The following PIGX variants were observed in gnomAD, a reference collection of about 807,000 sequenced individuals.
PIGX encodes the protein phosphatidylinositol glycan anchor biosynthesis class X.
PIGX carries 24 observed loss-of-function variants against 28.7 expected under a neutral mutation model. That is an observed-to-expected ratio of 0.84 (90% CI 0.60 to 1.17). The LOEUF is 1.17. PIGX is among the 50% of genes most tolerant of loss of function. PIGX has a pLI of 0.00. For synonymous variants in PIGX, 127 were observed against 121.0 expected (o/e 1.05, Z -0.33); for missense variants, 305 against 317.8 (o/e 0.96, Z 0.31).
At chr3:196,716,564 C>T (rs1712105222) in intron 1 of PIGX, among the ~76,000 whole-genome samples, 1 of 152,136 alleles carries the variant, frequency 6.6e-6, no homozygotes, top group Non-Finnish European at 1.5e-5. Context: ...ATTCTTACGA[C>T]AGCTAGTAGA....
chr3:196,718,791 C>A (rs1712199343), intron 2 of PIGX, among the ~76,000 whole-genome samples: 1 of 152,052 alleles, frequency 6.6e-6, no homozygotes, highest in African/African-American at 2.4e-5. Flanking sequence ...ATTATTTATT[C>A]CTTTAATGTT....
intron 1 of PIGX, chr3:196,712,864 G>T: frequency 1.8e-6 from 2 of 1,087,102 alleles, no homozygotes; most frequent in Non-Finnish European, 2.2e-6. Context: ...GGGCCCTGCG[G>T]TTCCCAGGCT....
chr3:196,713,351 A>C (rs1441962997), intron 1 of PIGX, among the ~76,000 whole-genome samples: 1 of 151,554 alleles, frequency 6.6e-6, no homozygotes, highest in Non-Finnish European at 1.5e-5. Flanking sequence ...GCCAGGCTGG[A>C]GTGCAATGGC....
At chr3:196,727,000 T>A (rs1213508267) in intron 3 of PIGX, among the ~76,000 whole-genome samples, 5 of 152,198 alleles carry the variant, frequency 3.3e-5, no homozygotes, top group South Asian at 2.1e-4. Flanking sequence ...TGAGTTCTGT[T>A]CCTGCTGTGA....
At chr3:196,727,038 A>C (rs141428813) in intron 3 of PIGX, among the ~76,000 whole-genome samples, 7 of 152,340 alleles carry the variant, frequency 4.6e-5, no homozygotes, top group Non-Finnish European at 8.8e-5. Flanking sequence ...ACATGTAAAG[A>C]AAACATAGCA....
At chr3:196,726,274 G>A (rs1254268602) in intron 3 of PIGX, among the ~76,000 whole-genome samples, 1 of 152,120 alleles carries the variant, frequency 6.6e-6, no homozygotes, top group African/African-American at 2.4e-5. Context: ...CAGGGTGACA[G>A]AGTGAGACCT....
rs769026964 is a variant in PIGX, at chr3:196,733,754, C to T, written c.634-5C>T. On this transcript the variant is annotated splice_polypyrimidine_tract_variant and splice_region_variant and intron_variant, in intron 5 of 5. Transcript: ENST00000392391. The surrounding 1 kb of genome is among the most constrained non-coding windows in gnomAD (Gnocchi z 4.3). Reference sequence around the variant, plus strand: ...AATGTCTAACTTCTCTCTCTCTCTCCATAGGTATATAAGAATGTGATTCTA... The same window carrying T: ...AATGTCTAACTTCTCTCTCTCTCTCTATAGGTATATAAGAATGTGATTCTA... 8.8e-5 allele frequency: 140 copies of T among 1,587,412 alleles called. No homozygotes were observed. Among genetic ancestry groups the T allele is most frequent in the Non-Finnish European group, 1.1e-4 (131 of 1,156,358 alleles).
chr3:196,722,140 A>G (rs73089260), intron 2 of PIGX, among the ~76,000 whole-genome samples: 119 of 152,248 alleles, frequency 7.8e-4, no homozygotes, highest in African/African-American at 2.8e-3. Flanking sequence ...TTACGTTGGT[A>G]CCTTTATTGA....
At chr3:196,723,776 T>C (rs1712416171) in intron 3 of PIGX, among the ~76,000 whole-genome samples, 1 of 152,154 alleles carries the variant, frequency 6.6e-6, no homozygotes, top group Non-Finnish European at 1.5e-5. Context: ...TAGTTATTCA[T>C]GATGGCAGTT....
rs1225479525 is a variant in PIGX at position 196,716,867 on chromosome 3, C to T, written c.122C>T (p.Ala41Val). 5 of 1,599,914 alleles carry T rather than the reference C, an allele frequency of 3.1e-6. No homozygotes were observed. The highest frequency in any genetic ancestry group is 4.5e-5 in the East Asian group (2 of 44,660). ...CGTTTGGTTCTTATAGGCATAAGGG[C>T]CATGTGTTCTGAAATTATTTTGAGG... The change falls in exon 2 of 6, where the codon GCC (alanine) becomes GTC (valine). Residue 41 changes from alanine (A) to valine (V), a missense_variant. By Grantham distance (64) the Ala-to-Val change is moderately conservative. Transcript: ENST00000392391.
chr3:196,718,782 T>C (rs1283440171), intron 2 of PIGX, among the ~76,000 whole-genome samples: 4 of 152,174 alleles, frequency 2.6e-5, no homozygotes, highest in Non-Finnish European at 5.9e-5. Flanking sequence ...AGCATTGGTA[T>C]TATTTATTCC....
At chr3:196,721,709 T>A (rs980855497) in intron 2 of PIGX, among the ~76,000 whole-genome samples, 2 of 151,180 alleles carry the variant, frequency 1.3e-5, no homozygotes, top group African/African-American at 4.9e-5. Flanking sequence ...AGCCTCCCAA[T>A]GTGCTGGGAT....
rs780951254 is a variant in PIGX at position 196,731,103 on chromosome 3, G to C, written c.633+11G>C. 7.2e-7 allele frequency: 1 copy of C among 1,397,368 alleles called. No individual in the cohort carries two copies. Among genetic ancestry groups the C allele is most frequent in the Non-Finnish European group, 1.0e-6 (1 of 987,068 alleles). The allele number at this position is 1,397,368 out of a possible 1,614,324, so 86.6% of individuals were successfully genotyped here. ...ATGAAGTATAAATCAGTAAGCTAATGTTTTATGTTGTTTTTTAGATCATGT... is the reference window on the plus strand; with the variant it reads ...ATGAAGTATAAATCAGTAAGCTAATCTTTTATGTTGTTTTTTAGATCATGT... On this transcript the variant is annotated intron_variant, in intron 5 of 5. Coordinates refer to ENST00000392391, the MANE Select transcript of PIGX (RefSeq NM_017861.4).
chr3:196,716,875 T>C lies in PIGX; in HGVS notation c.130T>C (p.Ser44Pro). The C allele has an allele frequency of 6.2e-7, 1 of 1,606,956 alleles. No homozygotes were observed. The highest frequency in any genetic ancestry group is 8.5e-7 in the Non-Finnish European group (1 of 1,173,916). ...TCTTATAGGCATAAGGGCCATGTGTTCTGAAATTATTTTGAGGCAAGAAGT... is the reference window on the plus strand; with the variant it reads ...TCTTATAGGCATAAGGGCCATGTGTCCTGAAATTATTTTGAGGCAAGAAGT... The change falls in exon 2 of 6, where the codon TCT becomes CCT. Residue 44 changes from serine (S) to proline (P), a missense_variant. Ser to Pro is a moderately conservative substitution (Grantham distance 74). Coordinates refer to ENST00000392391, the MANE Select transcript of PIGX (RefSeq NM_017861.4).
intron 2 of PIGX, among the ~76,000 whole-genome samples, chr3:196,718,213 G>A (rs1326958721): frequency 6.6e-6 from 1 of 152,088 alleles, no homozygotes; most frequent in Non-Finnish European, 1.5e-5. Flanking sequence ...AGGAAGCTGA[G>A]GCAGTAGAAT....
At chr3:196,718,316 G>GAA (rs1281847509) in intron 2 of PIGX, among the ~76,000 whole-genome samples, 1 of 145,188 alleles carries the variant, frequency 6.9e-6, no homozygotes. Flanking sequence ...TCCGTCTGAA[G>GAA]AAAAAAAAAA....
chr3:196,729,538 G>A (rs1048288046), intron 4 of PIGX, among the ~76,000 whole-genome samples: 72 of 150,810 alleles, frequency 4.8e-4, no homozygotes, highest in African/African-American at 1.5e-3. Context: ...TACAGGCTGC[G>A]CCACCATGCC....
At chr3:196,731,655 C>A (rs147041406) in intron 5 of PIGX, among the ~76,000 whole-genome samples, 20 of 152,092 alleles carry the variant, frequency 1.3e-4, no homozygotes, top group African/African-American at 4.6e-4. Flanking sequence ...CCATATGGTA[C>A]CTGAAAATTT....
At chr3:196,717,172 A>C (rs1481247211) in intron 2 of PIGX, among the ~76,000 whole-genome samples, 1 of 151,960 alleles carries the variant, frequency 6.6e-6, no homozygotes, top group East Asian at 1.9e-4. Context: ...GATGGTACAC[A>C]CACCTATAGT....
Sources: allele counts gnomAD v4.1 joint callset (sites outside exome capture counted in the v4.1 genomes callset), GRCh38; gene constraint gnomAD v4.1.1; non-coding constraint Gnocchi (gnomAD v3.1); transcripts MANE v1.5; gene names NCBI Gene and HGNC (gene_info 2026-07-23, HGNC 2026-07-21).